CFAP47: variants seen among roughly 807,000 people sequenced by gnomAD.
The protein encoded by CFAP47 is cilia and flagella associated protein 47, also known as cilia- and flagella-associated protein 47.
CFAP47 carries 29 observed loss-of-function variants against 148.1 expected under a neutral mutation model. The ratio of observed to expected loss-of-function variants is 0.20; its 90% confidence interval spans 0.15 to 0.27. CFAP47 has a LOEUF of 0.27. Ranked by LOEUF, CFAP47 falls within the 10% of genes least tolerant of loss-of-function variation. CFAP47 has a pLI of 1.00. For synonymous variants in CFAP47, 664 were observed against 577.3 expected, an observed-to-expected ratio of 1.15 and a Z score of -2.15; for missense variants, 1,872 against 1,697.5, an observed-to-expected ratio of 1.10 and a Z score of -1.81.
chrX:36,170,258 A>G (rs1219832131), intron 39 of CFAP47, among the ~76,000 whole-genome samples: 1 of 111,868 alleles, frequency 8.9e-6, no homozygotes, highest in African/African-American at 3.2e-5. Flanking sequence ...TGTTGCTTAT[A>G]TAGAGGGATA....
intron 48 of CFAP47, among the ~76,000 whole-genome samples, chrX:36,247,344 C>A (rs782346362): frequency 9.0e-6 from 1 of 111,057 alleles, no homozygotes; most frequent in Admixed American, 9.7e-5. Flanking sequence ...ACTTGAGTGA[C>A]AAGATCCATA....
chrX:36,372,318 G>T (rs1029092880), intron 62 of CFAP47, among the ~76,000 whole-genome samples: 3 of 111,418 alleles, frequency 2.7e-5, no homozygotes, highest in Admixed American at 1.9e-4. Flanking sequence ...AACATTTTTT[G>T]ATGATTGATA....
At position 35,952,094 on chromosome X, in the gene CFAP47, A is replaced by G; in HGVS notation, c.1046+131A>G. 8.3e-6 allele frequency: 5 copies of G among 604,220 alleles called. No individual in the cohort carries two copies. In the East Asian group the frequency reaches 1.3e-4, roughly 16 times the overall value. 49.8% of individuals were successfully genotyped at this position (604,220 alleles called of 1,213,427 possible). On this transcript the variant is annotated intron_variant, in intron 6 of 63. Transcript: ENST00000378653. Reference sequence around the variant, plus strand: ...AGGCACAAGTCAGATTTTTCTTGTCATGGTTCTAGATGTTTCTAACATGGT... The same window carrying G: ...AGGCACAAGTCAGATTTTTCTTGTCGTGGTTCTAGATGTTTCTAACATGGT...
At chrX:36,163,745 G>A (rs1457829431) in intron 39 of CFAP47, among the ~76,000 whole-genome samples, 2 of 110,325 alleles carry the variant, frequency 1.8e-5, no homozygotes, top group Non-Finnish European at 3.8e-5. Context: ...GAGTAGCTGG[G>A]ATTACAGGCG....
chrX:36,164,040 G>T (rs1419602445), intron 39 of CFAP47, among the ~76,000 whole-genome samples: 13 of 111,842 alleles, frequency 1.2e-4, no homozygotes, highest in Non-Finnish European at 2.1e-4. Context: ...ATTCAAGTTA[G>T]AGAGCATACT....
chrX:36,268,363 C>G (rs782077168), intron 49 of CFAP47, among the ~76,000 whole-genome samples: 26 of 113,026 alleles, frequency 2.3e-4, no homozygotes, highest in Non-Finnish European at 3.4e-4. Flanking sequence ...ACTGCCTATA[C>G]TCTGTCATGC....
At chrX:36,121,626 A>G (rs1938745712) in intron 33 of CFAP47, among the ~76,000 whole-genome samples, 1 of 111,513 alleles carries the variant, frequency 9.0e-6, no homozygotes, top group African/African-American at 3.3e-5. Context: ...TGGTTGCCTA[A>G]ACAAACAAAC....
At chrX:35,950,944 T>C (rs1169555164) in intron 4 of CFAP47, among the ~76,000 whole-genome samples, 187 bp from the exon 5 acceptor site, 2 of 111,647 alleles carry the variant, frequency 1.8e-5, no homozygotes, top group African/African-American at 6.5e-5. Flanking sequence ...ATTTTGTAGA[T>C]TCAGATATAC....
In CFAP47 at chrX:36,084,681, G is replaced by T. The variant is rs796483866; in HGVS notation, c.4692-633G>T. On this transcript the variant is annotated intron_variant, in intron 29 of 63. Transcript: ENST00000378653. ...TAATTTTTAACTTCATTTAAAGTCA[G>T]TATGCATCACAACCTTGTGCAATAT... is the stretch of plus-strand genomic sequence containing the variant. Among the ~76,000 whole-genome samples, 9 of 111,684 alleles carry T rather than the reference G, an allele frequency of 8.1e-5. No individual in the cohort carries two copies. In the South Asian group the frequency reaches 3.0e-3, roughly 37 times the overall value.
intron 63 of CFAP47, among the ~76,000 whole-genome samples, chrX:36,383,707 G>A (rs1402500679): frequency 1.8e-5 from 2 of 111,265 alleles, no homozygotes; most frequent in East Asian, 5.7e-4. Context: ...ATACATTCTT[G>A]TATTGTTGTG....
intron 18 of CFAP47, among the ~76,000 whole-genome samples, chrX:35,995,066 G>A (rs1475641128): frequency 9.0e-6 from 1 of 111,524 alleles, no homozygotes; most frequent in Non-Finnish European, 1.9e-5. Flanking sequence ...CTAGGGGAAG[G>A]TATATCTAAA....
chrX:36,362,240 A>G (rs1298251789), intron 61 of CFAP47, among the ~76,000 whole-genome samples: 2 of 112,188 alleles, frequency 1.8e-5, no homozygotes, highest in Non-Finnish European at 3.8e-5. Flanking sequence ...TACAGGAAGT[A>G]TATTTGTAGG....
chrX:35,935,181 T>C (rs925521954), intron 2 of CFAP47, among the ~76,000 whole-genome samples: 12 of 111,954 alleles, frequency 1.1e-4, no homozygotes, highest in Admixed American at 1.9e-4. Context: ...CCTTTCAAGT[T>C]AATCTATGGT....
chrX:36,037,452 T>A (rs1937352330), intron 24 of CFAP47, among the ~76,000 whole-genome samples: 1 of 110,408 alleles, frequency 9.1e-6, no homozygotes, highest in Non-Finnish European at 1.9e-5. Context: ...AACATTTACT[T>A]CCCAGGTTCA....
intron 49 of CFAP47, among the ~76,000 whole-genome samples, chrX:36,256,095 C>T (rs1470963526): frequency 9.0e-6 from 1 of 111,456 alleles, no homozygotes; most frequent in Non-Finnish European, 1.9e-5. Context: ...TATGAGAATG[C>T]AAAAAGCTAT....
intron 46 of CFAP47, among the ~76,000 whole-genome samples, chrX:36,232,194 G>A (rs1344009214): frequency 3.6e-5 from 4 of 111,416 alleles, no homozygotes; most frequent in African/African-American, 1.3e-4. Context: ...AATGGTACCA[G>A]TTCCTCCTTG....
At chrX:35,921,614 T>C (rs1935578658) in intron 1 of CFAP47, among the ~76,000 whole-genome samples, 1 of 111,838 alleles carries the variant, frequency 8.9e-6, no homozygotes, top group African/African-American at 3.2e-5. Flanking sequence ...TAGGATATAA[T>C]GGAAAACAAT....
intron 49 of CFAP47, among the ~76,000 whole-genome samples, chrX:36,274,685 T>G (rs1035081717): frequency 1.2e-4 from 14 of 112,333 alleles, no homozygotes; most frequent in African/African-American, 3.6e-4. Flanking sequence ...ATGTAACTGA[T>G]TTTGCATGTT....
chrX:35,952,149 G>A (rs758635905), intron 6 of CFAP47, among the ~76,000 whole-genome samples, 186 bp downstream of exon 6: 1 of 111,849 alleles, frequency 8.9e-6, no homozygotes, highest in South Asian at 3.7e-4. Context: ...TCTAAATATG[G>A]TTCTAAATAC....
Sources: allele counts gnomAD v4.1 joint callset (sites outside exome capture counted in the v4.1 genomes callset), GRCh38; gene constraint gnomAD v4.1.1; transcripts MANE v1.5; gene names NCBI Gene and HGNC (gene_info 2026-07-23, HGNC 2026-07-21).